Variants in PRRC2C observed in about 807,000 individuals in gnomAD.
PRRC2C encodes the protein proline rich coiled-coil 2C, also known as protein PRRC2C.
A neutral mutation model predicts 317.2 loss-of-function variants in PRRC2C; 72 were observed. That is an observed-to-expected ratio of 0.23 (90% CI 0.19 to 0.28). The LOEUF (loss-of-function observed/expected upper bound fraction) is 0.28. Among genes scored for constraint, PRRC2C ranks in the 10% least tolerant of loss-of-function variants. The pLI, the probability that PRRC2C is intolerant of heterozygous loss-of-function variation, is 1.00. For synonymous variants in PRRC2C, 1,296 were observed against 1,205.9 expected, an observed-to-expected ratio of 1.07 and a Z score of -1.55; for missense variants, 3,074 against 3,459.7, an observed-to-expected ratio of 0.89 and a Z score of 2.80.
At chr1:171,565,022 A>G (rs1177380491) in intron 20 of PRRC2C, among the ~76,000 whole-genome samples, 1 of 152,202 alleles carries the variant, frequency 6.6e-6, no homozygotes, top group Non-Finnish European at 1.5e-5. Flanking sequence ...AATTATTAAA[A>G]CAAGCTTTAG....
intron 16 of PRRC2C, 126 bp from the exon 17 acceptor site, chr1:171,545,353 A>T: frequency 1.3e-6 from 1 of 746,208 alleles, no homozygotes; most frequent in Non-Finnish European, 2.1e-6. Flanking sequence ...TTGTTTGGTT[A>T]CAGTTAAGAG....
intron 18 of PRRC2C, among the ~76,000 whole-genome samples, chr1:171,556,463 G>T (rs1449495666): frequency 6.6e-6 from 1 of 152,140 alleles, no homozygotes; most frequent in African/African-American, 2.4e-5. Flanking sequence ...AGATGAACCA[G>T]GTATCTCATT....
chr1:171,528,732 C>G (rs543169319), intron 11 of PRRC2C, among the ~76,000 whole-genome samples: 1 of 152,232 alleles, frequency 6.6e-6, no homozygotes, highest in South Asian at 2.1e-4. Context: ...TCCATCTTGA[C>G]AAATTCAGTT....
intron 6 of PRRC2C, among the ~76,000 whole-genome samples, chr1:171,518,428 G>A (rs761409882): frequency 4.6e-5 from 6 of 129,616 alleles, no homozygotes; most frequent in Non-Finnish European, 8.6e-5. Context: ...AACACTTGCC[G>A]TAGTTTCAAA....
intron 1 of PRRC2C, among the ~76,000 whole-genome samples, chr1:171,494,954 T>TA (rs1667860166): frequency 6.6e-6 from 1 of 152,230 alleles, no homozygotes; most frequent in African/African-American, 2.4e-5. Context: ...TTAGCAAAAT[T>TA]ACACGTCATT....
intron 33 of PRRC2C, 129 bp downstream of exon 33, chr1:171,588,634 T>G: frequency 1.9e-6 from 2 of 1,030,272 alleles, no homozygotes; most frequent in Non-Finnish European, 2.8e-6. Flanking sequence ...TTTCTGAATT[T>G]AACAATAAAT....
chr1:171,514,771 C>T, intron 4 of PRRC2C, 126 bp downstream of exon 4: 1 of 807,292 alleles, frequency 1.2e-6, no homozygotes, highest in Non-Finnish European at 1.9e-6. Flanking sequence ...ACTCAAGGCT[C>T]TTAAAAAGGT....
chr1:171,574,940 G>A lies in PRRC2C; in HGVS notation c.6767G>A (p.Arg2256His). 6.2e-7 allele frequency: 1 copy of A among 1,613,608 alleles called. No individual in the cohort carries two copies. The highest frequency in any genetic ancestry group is 8.5e-7 in the Non-Finnish European group (1 of 1,179,768). ...FSLTFKMESA[R>H]KAWENSPNVR... ...GTTTTATTGCAGATGGAGTCTGCACGCAAAGCATGGGAGAATTCTCCAAAT... is the reference window on the plus strand; with the variant it reads ...GTTTTATTGCAGATGGAGTCTGCACACAAAGCATGGGAGAATTCTCCAAAT... The change falls in exon 25 of 35, where the codon CGC becomes CAC. Residue 2256 changes from arginine to histidine, a missense_variant. Arg to His is a conservative substitution (Grantham distance 29). Coordinates refer to ENST00000647382, the MANE Select transcript of PRRC2C (RefSeq NM_001387844.1).
chr1:171,591,528 G>T, intron 34 of PRRC2C, 59 bp from the exon 35 acceptor site: 2 of 1,572,370 alleles, frequency 1.3e-6, no homozygotes, highest in South Asian at 2.3e-5. Flanking sequence ...AACCAAGATT[G>T]ATTTGACAGG....
At chr1:171,572,667 G>C (rs1684979693) in intron 24 of PRRC2C, among the ~76,000 whole-genome samples, 1 of 152,084 alleles carries the variant, frequency 6.6e-6, no homozygotes, top group South Asian at 2.1e-4. Flanking sequence ...TTGAATGACT[G>C]TCTTAATCTG....
At position 171,528,772 on chromosome 1, in the gene PRRC2C, C is replaced by T. The variant is rs555095568; in HGVS notation, c.1254+928C>T. Among the ~76,000 whole-genome samples, 4 of 152,184 alleles carry T rather than the reference C, an allele frequency of 2.6e-5. No individual in the cohort carries two copies. The South Asian group carries it at 8.3e-4, about 32-fold the overall frequency. On this transcript the variant is annotated intron_variant, in intron 11 of 34. Coordinates refer to ENST00000647382, the MANE Select transcript of PRRC2C (RefSeq NM_001387844.1). ...TGTCTTCATCTCATTTAAATCTCAG[C>T]TGAGTCATTGACATAGTTGATTTCT... is the stretch of plus-strand genomic sequence containing the variant.
chr1:171,522,216 C>T lies in PRRC2C; in HGVS notation c.790C>T (p.His264Tyr). ...TCCGAGGATGACATATCCTCCTCTA[C>T]ATGGTCCCATGAGATTCCCACCTTC... ...QYPRMTYPPL[H>Y]GPMRFPPSLS... The change falls in exon 7 of 35, where the codon CAT becomes TAT. Residue 264 changes from histidine (H) to tyrosine (Y), a missense_variant. By Grantham distance (83) the His-to-Tyr change is moderately conservative. Around this residue, in one of 11 missense-constraint regions of PRRC2C, gnomAD observed 237 missense variants for 199.5 expected, o/e 1.19. Coordinates refer to ENST00000647382, the MANE Select transcript of PRRC2C (RefSeq NM_001387844.1). 6.2e-7 allele frequency: 1 copy of T among 1,600,188 alleles called. No homozygotes were observed. The highest frequency in any genetic ancestry group is 8.6e-7 in the Non-Finnish European group (1 of 1,168,852).
intron 18 of PRRC2C, among the ~76,000 whole-genome samples, chr1:171,550,643 G>T (rs1488440365): frequency 9.7e-5 from 12 of 123,572 alleles, no homozygotes; most frequent in Middle Eastern, 5.8e-3. Flanking sequence ...ACAGGCCCAG[G>T]TGTGTGATGT....
At chr1:171,488,435 A>T (rs1271835917) in intron 1 of PRRC2C, among the ~76,000 whole-genome samples, 3 of 152,046 alleles carry the variant, frequency 2.0e-5, no homozygotes, top group African/African-American at 7.2e-5. Context: ...CGCTAATCTC[A>T]TCGATGCATG....
chr1:171,552,570 G>A (rs1680484644), intron 18 of PRRC2C, among the ~76,000 whole-genome samples: 1 of 152,148 alleles, frequency 6.6e-6, no homozygotes, highest in Non-Finnish European at 1.5e-5. Flanking sequence ...TCCAGTTTTT[G>A]CCCATTCAGT....
At chr1:171,580,013 C>T (rs1648153163) in intron 28 of PRRC2C, 49 bp downstream of exon 28, 1 of 1,393,172 alleles carries the variant, frequency 7.2e-7, no homozygotes, top group South Asian at 1.8e-5. Context: ...AACATTGTAA[C>T]TGCTGATCCT....
intron 24 of PRRC2C, among the ~76,000 whole-genome samples, chr1:171,572,979 A>G (rs1374931946): frequency 6.6e-6 from 1 of 152,192 alleles, no homozygotes; most frequent in Non-Finnish European, 1.5e-5. Flanking sequence ...GAAAAGTTAT[A>G]TTACACAGTA....
In PRRC2C at chr1:171,513,074, T is replaced by G; in HGVS notation, c.192T>G (p.Ser64Arg). 1 of 1,613,784 alleles carries G rather than the reference T, an allele frequency of 6.2e-7. No homozygotes were observed. The highest frequency in any genetic ancestry group is 8.5e-7 in the Non-Finnish European group (1 of 1,179,800). ...RRMPPPANLP[S>R]LKAENKGNDP... ...TGCCTCCACCTGCTAACCTCCCAAG[T>G]CTTAAAGCAGAAAACAAAGGCAATG... The change falls in exon 3 of 35, where the codon AGT becomes AGG. Residue 64 changes from serine (S) to arginine (R), a missense_variant. This residue lies in a region of PRRC2C where 71 missense variants were observed against 118.9 expected (regional missense o/e 0.60). Coordinates refer to ENST00000647382, the MANE Select transcript of PRRC2C (RefSeq NM_001387844.1).
At chr1:171,537,547 G>T (rs190177796) in intron 15 of PRRC2C, 74 bp downstream of exon 15, 74 of 1,313,002 alleles carry the variant, frequency 5.6e-5, no homozygotes, top group Non-Finnish European at 7.5e-5. Flanking sequence ...TGTTTCTGAA[G>T]ATCATTCCAA....
Sources: allele counts gnomAD v4.1 joint callset (sites outside exome capture counted in the v4.1 genomes callset), GRCh38; gene constraint gnomAD v4.1.1; regional missense constraint gnomAD v4.1.1; transcripts MANE v1.5; gene names NCBI Gene and HGNC (gene_info 2026-07-23, HGNC 2026-07-21).